ARHGAP10: variants seen among roughly 807,000 people sequenced by gnomAD.
ARHGAP10 encodes the protein rho GTPase-activating protein 10.
ARHGAP10 carries 87 observed loss-of-function variants against 108.6 expected under a neutral mutation model. The ratio of observed to expected loss-of-function variants is 0.80; its 90% CI spans 0.67 to 0.96. The LOEUF (loss-of-function observed/expected upper bound fraction) is 0.96. ARHGAP10 is among the 40% of genes least tolerant of loss of function. The probability of loss-of-function intolerance (pLI) is 0.00; values close to 1 mark genes in which losing one functional copy is unlikely to be tolerated. For missense variants in ARHGAP10, 939 were observed against 954.5 expected (o/e 0.98, Z 0.21); for synonymous variants, 347 against 341.1 (o/e 1.02, Z -0.19).
At chr4:147,814,817 GA>G (rs540575496) in intron 1 of ARHGAP10, among the ~76,000 whole-genome samples, 58 of 152,068 alleles carry the variant, frequency 3.8e-4, no homozygotes, top group Non-Finnish European at 6.6e-4. Flanking sequence ...CATTCTTAAT[GA>G]CCTCATTTTA....
chr4:147,784,778 T>A (rs865818884), intron 1 of ARHGAP10, among the ~76,000 whole-genome samples: 2 of 55,444 alleles, frequency 3.6e-5, no homozygotes, highest in African/African-American at 1.0e-4. Flanking sequence ...ATAAATATAA[T>A]ATATTATAAA....
At chr4:148,020,486 C>T (rs150271027) in intron 18 of ARHGAP10, among the ~76,000 whole-genome samples, 126 of 152,056 alleles carry the variant, frequency 8.3e-4, no homozygotes, top group African/African-American at 3.0e-3. Flanking sequence ...GTGTTCACCC[C>T]AGGTGTCCAT....
chr4:148,011,223 C>A (rs1362734534), intron 18 of ARHGAP10, among the ~76,000 whole-genome samples: 1 of 152,172 alleles, frequency 6.6e-6, no homozygotes, highest in Non-Finnish European at 1.5e-5. Context: ...TAGCACATCA[C>A]CCCAAAATTT....
At chr4:148,000,367 A>G (rs1740661732) in intron 18 of ARHGAP10, among the ~76,000 whole-genome samples, 1 of 152,192 alleles carries the variant, frequency 6.6e-6, no homozygotes, top group African/African-American at 2.4e-5. Context: ...TGCTATTGTG[A>G]ATAGTGCTGC....
intron 16 of ARHGAP10, among the ~76,000 whole-genome samples, chr4:147,962,588 A>G (rs1263379116): frequency 6.6e-6 from 1 of 152,168 alleles, no homozygotes; most frequent in East Asian, 1.9e-4. Context: ...TGAGGGGCTT[A>G]TTAGGATGTC....
At chr4:147,764,067 T>G (rs556670037) in intron 1 of ARHGAP10, among the ~76,000 whole-genome samples, 1 of 152,298 alleles carries the variant, frequency 6.6e-6, no homozygotes, top group Non-Finnish European at 1.5e-5. Context: ...GCCCAGACAG[T>G]GATTCTTGAT....
At chr4:147,893,490 C>T (rs1361752433) in intron 10 of ARHGAP10, among the ~76,000 whole-genome samples, 1 of 146,452 alleles carries the variant, frequency 6.8e-6, no homozygotes, top group Non-Finnish European at 1.5e-5. Context: ...TATAGAAATA[C>T]ATATTTCAAT....
intron 14 of ARHGAP10, chr4:147,946,171 G>C (rs1738372172): frequency 6.5e-6 from 1 of 153,870 alleles, no homozygotes. Flanking sequence ...ACCCTACTTA[G>C]TTGGCTGTCT....
At chr4:147,762,050 C>T (rs1283472867) in intron 1 of ARHGAP10, among the ~76,000 whole-genome samples, 1 of 152,178 alleles carries the variant, frequency 6.6e-6, no homozygotes, top group African/African-American at 2.4e-5. Flanking sequence ...CTCTGTCACC[C>T]AGGCTGGAGT....
rs28393597 is a variant in ARHGAP10, at chr4:147,918,190, C to T, written c.1228+5051C>T. 9.7e-3 allele frequency among the ~76,000 whole-genome samples: 1,332 copies of T among 137,674 alleles called. 15 individuals are homozygous for T. The highest frequency in any genetic ancestry group is 0.036 in the African/African-American group (1,243 of 34,128). The allele number at this position is 137,674 out of a possible 152,430, so 90.3% of individuals were successfully genotyped here. A position where few individuals can be genotyped will look rare whatever the true frequency, so the allele number is the denominator to read the frequency against. ...TTGCTCTGTGGCCTAGGCTGGAGTG[C>T]AGTGGCTTGATCTCGGCTCACTGCA... On this transcript the variant is annotated intron_variant, in intron 13 of 22. Coordinates refer to ENST00000336498, the MANE Select transcript of ARHGAP10 (RefSeq NM_024605.4).
chr4:147,776,114 C>T (rs11725718), intron 1 of ARHGAP10, among the ~76,000 whole-genome samples: 113,768 of 151,894 alleles, frequency 0.75, 48,601 homozygotes, highest in Non-Finnish European at 0.94. Flanking sequence ...TTATGGCCTC[C>T]TCGTAATCAT....
At chr4:148,019,763 TAAA>T (rs879896839) in intron 18 of ARHGAP10, among the ~76,000 whole-genome samples, 1 of 132,780 alleles carries the variant, frequency 7.5e-6, no homozygotes, top group African/African-American at 2.8e-5. Flanking sequence ...AGACTCCACC[TAAA>T]AAAAAAAAAA....
chr4:147,898,847 G>C (rs1207028557), intron 10 of ARHGAP10, among the ~76,000 whole-genome samples: 1 of 152,136 alleles, frequency 6.6e-6, no homozygotes, highest in Non-Finnish European at 1.5e-5. Flanking sequence ...GGGATGGGTT[G>C]AGGAACTGCC....
intron 16 of ARHGAP10, among the ~76,000 whole-genome samples, chr4:147,959,444 T>C (rs2126989082): frequency 6.6e-6 from 1 of 152,264 alleles, no homozygotes; most frequent in African/African-American, 2.4e-5. Flanking sequence ...TGTATACATG[T>C]GCCATGTTGG....
At chr4:147,959,083 T>C (rs749561703) in intron 16 of ARHGAP10, among the ~76,000 whole-genome samples, 30 of 152,180 alleles carry the variant, frequency 2.0e-4, no homozygotes, top group Non-Finnish European at 3.5e-4. Flanking sequence ...CATAAGCAAC[T>C]TTAGATGATT....
intron 14 of ARHGAP10, among the ~76,000 whole-genome samples, chr4:147,942,902 G>A (rs1738213427): frequency 6.6e-6 from 1 of 152,202 alleles, no homozygotes; most frequent in Non-Finnish European, 1.5e-5. Context: ...GCCCATATAA[G>A]CAGATGCCTG....
chr4:147,909,000 A>G (rs1179625462), intron 11 of ARHGAP10, among the ~76,000 whole-genome samples: 1 of 152,116 alleles, frequency 6.6e-6, no homozygotes, highest in Non-Finnish European at 1.5e-5. Flanking sequence ...TGGATCCCAC[A>G]TGTTTAGAGC....
chr4:147,860,874 T>C (rs2126837953), intron 5 of ARHGAP10: 1 of 152,394 alleles, frequency 6.6e-6, no homozygotes, highest in Non-Finnish European at 1.5e-5. Context: ...CGTATAGTGA[T>C]TGCCTTTTAG....
At chr4:147,994,928 G>C (rs1740414604) in intron 18 of ARHGAP10, among the ~76,000 whole-genome samples, 1 of 152,230 alleles carries the variant, frequency 6.6e-6, no homozygotes, top group Admixed American at 6.5e-5. Flanking sequence ...AGAGTAAGCT[G>C]TACTTATTGA....
Sources: gnomAD v4.1 joint callset for allele counts (sites outside exome capture counted in the v4.1 genomes callset) on GRCh38, gnomAD v4.1.1 for gene constraint, MANE v1.5 for transcripts, NCBI Gene and HGNC (gene_info 2026-07-23, HGNC 2026-07-21) for gene names.